The following STRBP variants were observed in gnomAD, a reference collection of about 807,000 sequenced individuals.
The protein encoded by STRBP is spermatid perinuclear RNA-binding protein.
A neutral mutation model predicts 80.1 loss-of-function variants in STRBP; 13 were observed. That is an observed-to-expected ratio of 0.16 (90% CI 0.11 to 0.26). The LOEUF (loss-of-function observed/expected upper bound fraction) is 0.26. STRBP is among the 10% of genes least tolerant of loss of function. The pLI is 1.00. For synonymous variants in STRBP, 284 were observed against 291.2 expected, an observed-to-expected ratio of 0.98 and a Z score of 0.25; for missense variants, 485 against 815.2, an observed-to-expected ratio of 0.59 and a Z score of 4.93.
intron 2 of STRBP, among the ~76,000 whole-genome samples, chr9:123,234,069 C>T (rs1045830884): frequency 2.3e-4 from 35 of 151,704 alleles, no homozygotes; most frequent in Non-Finnish European, 4.4e-4. Context: ...GGCGTGGTGG[C>T]GGGCGCCTGT....
At chr9:123,256,297 T>C (rs78862523) in intron 1 of STRBP, among the ~76,000 whole-genome samples, 2,552 of 152,142 alleles carry the variant, frequency 0.017, 77 homozygotes, top group African/African-American at 0.058. Context: ...AGATTATATA[T>C]ATACCTACTT....
chr9:123,225,363 T>G (rs1351085683), intron 2 of STRBP, among the ~76,000 whole-genome samples: 1 of 152,216 alleles, frequency 6.6e-6, no homozygotes, highest in Non-Finnish European at 1.5e-5. Context: ...AAAAGTAAAC[T>G]AGCATTTATA....
At chr9:123,228,589 G>A (rs1457250650) in intron 2 of STRBP, among the ~76,000 whole-genome samples, 9 of 152,184 alleles carry the variant, frequency 5.9e-5, no homozygotes, top group African/African-American at 2.2e-4. Context: ...AATGAGGACT[G>A]TGAACTGACT....
Position 123,236,845 on chromosome 9 carries a change from C to G in STRBP, c.-180G>C, listed in dbSNP as rs1238533483. On this transcript the variant is annotated 5_prime_UTR_variant, in exon 2 of 19. Transcript: ENST00000348403. ...ATCTACTTACCTTTATAAGAAGCAA[C>G]AGTTGAGGCCAGGCACAGTGGCTCG... is the stretch of plus-strand genomic sequence containing the variant. 1 of 152,072 alleles carries G rather than the reference C, an allele frequency of 6.6e-6. No individual in the cohort carries two copies. Among genetic ancestry groups the G allele is most frequent in the East Asian group, 1.9e-4 (1 of 5,188 alleles). The allele number at this position is 152,072 out of a possible 1,614,324, so 9.4% of individuals were successfully genotyped here.
chr9:123,207,422 C>T (rs1392319396), intron 2 of STRBP, among the ~76,000 whole-genome samples: 1 of 152,006 alleles, frequency 6.6e-6, no homozygotes, highest in Non-Finnish European at 1.5e-5. Context: ...CAAAGTGATG[C>T]CCTGAATATA....
At chr9:123,170,449 G>C (rs904144526) in intron 5 of STRBP, among the ~76,000 whole-genome samples, 2 of 152,156 alleles carry the variant, frequency 1.3e-5, no homozygotes, top group East Asian at 1.9e-4. Flanking sequence ...TCTTTTTGTA[G>C]AGCAGCCTGA....
chr9:123,180,256 T>C (rs1462403128), intron 3 of STRBP, among the ~76,000 whole-genome samples: 2 of 152,188 alleles, frequency 1.3e-5, no homozygotes, highest in African/African-American at 2.4e-5. Flanking sequence ...CCCAGGTCTC[T>C]ATTTAAATTT....
At chr9:123,227,782 C>T (rs2040285785) in intron 2 of STRBP, among the ~76,000 whole-genome samples, 1 of 151,936 alleles carries the variant, frequency 6.6e-6, no homozygotes, top group Admixed American at 6.6e-5. Flanking sequence ...CCAGGCTGGT[C>T]TCAAACTCCC....
intron 2 of STRBP, among the ~76,000 whole-genome samples, chr9:123,219,098 C>CT (rs11400890): frequency 0.38 from 58,254 of 151,976 alleles, 18,125 homozygotes; most frequent in African/African-American, 0.83. Flanking sequence ...TGTATCACCC[C>CT]GTCCCTAAAC....
At chr9:123,258,409 G>A (rs879283490) in intron 1 of STRBP, among the ~76,000 whole-genome samples, 1 of 152,210 alleles carries the variant, frequency 6.6e-6, no homozygotes, top group Non-Finnish European at 1.5e-5. Flanking sequence ...GAAAATGAGA[G>A]ACAAGATGGA....
chr9:123,118,867 C>T (rs970118592), downstream of STRBP, among the ~76,000 whole-genome samples: 1 of 152,162 alleles, frequency 6.6e-6, no homozygotes, highest in Non-Finnish European at 1.5e-5. Context: ...TGTAGACACA[C>T]AAAGGAATGG....
downstream of STRBP, among the ~76,000 whole-genome samples, chr9:123,120,212 A>T (rs1009918993): frequency 2.6e-5 from 4 of 151,848 alleles, no homozygotes; most frequent in African/African-American, 9.7e-5. Flanking sequence ...TTTACCACCC[A>T]TCTCCTTTCC....
chr9:123,268,221 A>AGCG (rs937400156), intron 1 of STRBP, among the ~76,000 whole-genome samples: 4 of 151,298 alleles, frequency 2.6e-5, no homozygotes, highest in South Asian at 2.1e-4. Flanking sequence ...GGGGCACCGC[A>AGCG]GCGGCGGCGG....
intron 11 of STRBP, among the ~76,000 whole-genome samples, chr9:123,155,661 G>A (rs1396807086): frequency 1.3e-5 from 2 of 152,034 alleles, no homozygotes; most frequent in African/African-American, 4.8e-5. Flanking sequence ...TGGAAAGTGG[G>A]ATTCTTGAAA....
intron 6 of STRBP, among the ~76,000 whole-genome samples, chr9:123,166,683 G>C (rs1345072489): frequency 6.6e-6 from 1 of 152,072 alleles, no homozygotes; most frequent in Non-Finnish European, 1.5e-5. Context: ...GAACCCAGGA[G>C]GCAGAGGTTG....
In STRBP at chr9:123,173,622, T is replaced by C. The variant is rs1391842933; in HGVS notation, c.390+55A>G. On this transcript the variant is annotated intron_variant, in intron 5 of 18. Coordinates refer to ENST00000348403, the MANE Select transcript of STRBP (RefSeq NM_018387.5). ...TGGTTAATAATTTTTTCAAAGTCAC[T>C]ACCTATTTCACCTTTTTACAAATTC... is the stretch of plus-strand genomic sequence containing the variant. 6 of 1,540,740 alleles carry C rather than the reference T, an allele frequency of 3.9e-6. No homozygotes were observed. The Admixed American group carries it at 1.2e-4, about 31-fold the overall frequency.
chr9:123,139,058 T>C (rs2036480112), intron 14 of STRBP, among the ~76,000 whole-genome samples: 4 of 152,210 alleles, frequency 2.6e-5, no homozygotes, highest in Admixed American at 2.0e-4. Context: ...ACATACTGTG[T>C]CAGGCTATGC....
intron 2 of STRBP, among the ~76,000 whole-genome samples, chr9:123,205,748 A>G (rs1282038521): frequency 6.6e-6 from 1 of 152,198 alleles, no homozygotes; most frequent in East Asian, 1.9e-4. Context: ...TCTTGCTACT[A>G]TTCATTCTTC....
At chr9:123,193,544 A>T (rs550685004) in intron 2 of STRBP, among the ~76,000 whole-genome samples, 7 of 152,248 alleles carry the variant, frequency 4.6e-5, no homozygotes, top group Admixed American at 2.6e-4. Context: ...TACTTCTGGC[A>T]TAAATATTAG....
Sources: allele counts gnomAD v4.1 joint callset (sites outside exome capture counted in the v4.1 genomes callset), GRCh38; gene constraint gnomAD v4.1.1; transcripts MANE v1.5; gene names NCBI Gene and HGNC (gene_info 2026-07-23, HGNC 2026-07-21).